Variants in CACNA2D3 observed in about 807,000 individuals in gnomAD.
CACNA2D3 encodes voltage-dependent calcium channel subunit alpha-2/delta-3.
Under a neutral mutation model 160.6 loss-of-function variants are expected in CACNA2D3, and 60 were observed. The observed-to-expected ratio is 0.37, with a 90% CI of 0.30 to 0.46. The LOEUF (loss-of-function observed/expected upper bound fraction) is 0.46, where lower values mean the gene tolerates loss of function less well. Ranked by LOEUF, CACNA2D3 falls within the 20% of genes least tolerant of loss-of-function variation. The pLI is 1.00. For missense variants in CACNA2D3, 1,205 were observed against 1,365.0 expected (o/e 0.88, Z 1.85); for synonymous variants, 558 against 492.9 (o/e 1.13, Z -1.75).
chr3:54,292,625 A>G (rs1041162744), intron 2 of CACNA2D3, among the ~76,000 whole-genome samples: 1 of 152,258 alleles, frequency 6.6e-6, no homozygotes, highest in Non-Finnish European at 1.5e-5. Context: ...CCACAGTCAG[A>G]TAACAACACT....
chr3:54,380,575 A>AGT (rs1202154317), intron 3 of CACNA2D3, among the ~76,000 whole-genome samples: 2 of 152,120 alleles, frequency 1.3e-5, no homozygotes, highest in Non-Finnish European at 2.9e-5. Context: ...TGTCTCTACT[A>AGT]AAAATACAAA....
At chr3:54,362,933 AT>A (rs1698767228) in intron 3 of CACNA2D3, among the ~76,000 whole-genome samples, 1 of 152,238 alleles carries the variant, frequency 6.6e-6, no homozygotes, top group African/African-American at 2.4e-5. Context: ...ACGGTGGCTC[AT>A]GCCTGTAATC....
rs114721165 is a variant in CACNA2D3 at position 54,128,136 on chromosome 3, G to C, written c.204+4542G>C. On this transcript the variant is annotated intron_variant, in intron 2 of 37. Coordinates refer to ENST00000474759, the MANE Select transcript of CACNA2D3 (RefSeq NM_018398.3). ...TTCCCATGTGGTTATAATTTTGATTGATTAGCATGGTGATCGCATGCTGAT... is the reference window on the plus strand; with the variant it reads ...TTCCCATGTGGTTATAATTTTGATTCATTAGCATGGTGATCGCATGCTGAT... Among the ~76,000 whole-genome samples the C allele has an allele frequency of 6.7e-3, 1,027 of 152,202 alleles. 13 individuals are homozygous for C. The highest frequency in any genetic ancestry group is 0.024 in the African/African-American group (987 of 41,500).
At chr3:54,565,592 A>G (rs1384021456) in intron 6 of CACNA2D3, among the ~76,000 whole-genome samples, 3 of 152,210 alleles carry the variant, frequency 2.0e-5, no homozygotes, top group Admixed American at 6.5e-5. Flanking sequence ...ACACAGGGGT[A>G]GTGAGCACTT....
intron 4 of CACNA2D3, among the ~76,000 whole-genome samples, chr3:54,494,742 A>G (rs1701176368): frequency 1.3e-5 from 2 of 152,198 alleles, no homozygotes. Flanking sequence ...TAATTGACTC[A>G]CAGTTCCACA....
intron 5 of CACNA2D3, among the ~76,000 whole-genome samples, chr3:54,538,607 C>T (rs1701924283): frequency 6.6e-6 from 1 of 152,158 alleles, no homozygotes. Flanking sequence ...TCTGGGCATT[C>T]ACAGGGGCTA....
intron 5 of CACNA2D3, among the ~76,000 whole-genome samples, chr3:54,533,356 G>A: frequency 1.3e-5 from 1 of 76,942 alleles, no homozygotes; most frequent in Admixed American, 1.8e-4. Flanking sequence ...TTTTTTTTGA[G>A]ACAGAGTCTC....
chr3:54,301,206 A>G (rs1054775290), intron 2 of CACNA2D3, among the ~76,000 whole-genome samples: 3 of 151,782 alleles, frequency 2.0e-5, no homozygotes, highest in African/African-American at 4.8e-5. Context: ...ACAGTGAGTT[A>G]TGACTGAGCC....
chr3:54,566,890 C>T (rs905809389), intron 6 of CACNA2D3, among the ~76,000 whole-genome samples: 7 of 152,198 alleles, frequency 4.6e-5, no homozygotes, highest in Non-Finnish European at 7.3e-5. Context: ...TGGACTCATA[C>T]ATGCTGTTTG....
chr3:54,765,169 G>A (rs1461909315), intron 13 of CACNA2D3, among the ~76,000 whole-genome samples: 1 of 152,116 alleles, frequency 6.6e-6, no homozygotes, highest in Non-Finnish European at 1.5e-5. Flanking sequence ...TCATGGGTCA[G>A]CTTTTCTCTC....
intron 27 of CACNA2D3, among the ~76,000 whole-genome samples, chr3:54,903,324 G>A (rs990548873): frequency 2.6e-5 from 4 of 152,110 alleles, no homozygotes; most frequent in African/African-American, 9.7e-5. Context: ...TTCTGTTCCT[G>A]CATTAGTTTG....
At chr3:54,292,817 A>G (rs1703242878) in intron 2 of CACNA2D3, among the ~76,000 whole-genome samples, 1 of 152,240 alleles carries the variant, frequency 6.6e-6, no homozygotes. Context: ...CAGCAATTTC[A>G]TTCCTAGGTA....
intron 6 of CACNA2D3, among the ~76,000 whole-genome samples, chr3:54,566,757 A>G (rs1702415809): frequency 6.6e-6 from 1 of 152,200 alleles, no homozygotes; most frequent in Non-Finnish European, 1.5e-5. Context: ...TGGTAATTAC[A>G]AAGGTCAATG....
At chr3:54,880,004 A>G (rs1386385915) in intron 20 of CACNA2D3, among the ~76,000 whole-genome samples, 1 of 152,250 alleles carries the variant, frequency 6.6e-6, no homozygotes, top group East Asian at 1.9e-4. Context: ...GTAAAAAATT[A>G]TTTCAGTAAG....
chr3:54,331,794 A>G (rs1325107340), intron 3 of CACNA2D3, among the ~76,000 whole-genome samples: 2 of 152,186 alleles, frequency 1.3e-5, no homozygotes, highest in African/African-American at 4.8e-5. Flanking sequence ...GCTCTTGTTC[A>G]GCCCTCACCT....
At chr3:54,939,716 G>C (rs772802851) in intron 27 of CACNA2D3, among the ~76,000 whole-genome samples, 1 of 152,212 alleles carries the variant, frequency 6.6e-6, no homozygotes, top group East Asian at 1.9e-4. Flanking sequence ...GCCCCTGCAG[G>C]CCCACCCTCT....
chr3:54,657,545 G>A (rs193234981), intron 11 of CACNA2D3, among the ~76,000 whole-genome samples: 4 of 152,038 alleles, frequency 2.6e-5, no homozygotes, highest in East Asian at 1.9e-4. Context: ...TCTCCCTGCC[G>A]GCCCCTAGTA....
At chr3:54,594,699 T>C (rs776186237) in intron 9 of CACNA2D3, among the ~76,000 whole-genome samples, 1 of 152,200 alleles carries the variant, frequency 6.6e-6, no homozygotes, top group Non-Finnish European at 1.5e-5. Context: ...GAGATAGAGA[T>C]AAGAAATAAT....
intron 33 of CACNA2D3, among the ~76,000 whole-genome samples, chr3:55,008,888 T>TACACACACCCAC (rs1553629526): frequency 1.4e-5 from 2 of 142,988 alleles, no homozygotes; most frequent in South Asian, 4.7e-4. Flanking sequence ...CCTCCCTCTA[T>TACACACACCCAC]ACACACACAC....
Sources: allele counts gnomAD v4.1 joint callset (sites outside exome capture counted in the v4.1 genomes callset), GRCh38; gene constraint gnomAD v4.1.1; transcripts MANE v1.5; gene names NCBI Gene and HGNC (gene_info 2026-07-23, HGNC 2026-07-21).